The following SPTA1 variants were observed in gnomAD, a reference collection of about 807,000 sequenced individuals.
SPTA1 encodes spectrin alpha, erythrocytic 1.
Under a neutral mutation model 324.7 loss-of-function variants are expected in SPTA1, and 177 were observed. The ratio of observed to expected loss-of-function variants is 0.55; its 90% confidence interval spans 0.48 to 0.62. The LOEUF is 0.62. SPTA1 is among the 20% of genes least tolerant of loss of function. SPTA1 has a pLI of 0.00. For synonymous variants in SPTA1, 1,195 were observed against 1,041.3 expected (o/e 1.15, Z -2.84); for missense variants, 3,162 against 2,883.6 (o/e 1.10, Z -2.21).
Position 158,685,313 on chromosome 1 carries a change from G to A in SPTA1, c.59C>T (p.Thr20Ile). The A allele has an allele frequency of 6.2e-7, 1 of 1,613,706 alleles. No homozygotes were observed. The highest frequency in any genetic ancestry group is 1.1e-5 in the South Asian group (1 of 91,068). Residue 20 changes from threonine to isoleucine, a missense_variant, in exon 2 of 52, where the codon ACA becomes ATA. By Grantham distance (89) the Thr-to-Ile change is moderately conservative. Coordinates refer to ENST00000643759, the MANE Select transcript of SPTA1 (RefSeq NM_003126.4). ...VESSGPKVLE[T>I]AEEIQERRQE... is the part of the protein sequence containing the mutation. ...ACGCCTCTCCTGGATCTCTTCTGCT[G>A]TTTCCAAAACCTTTGGCCCACTGCT...
intron 47 of SPTA1, 144 bp downstream of exon 47, chr1:158,617,393 T>C: frequency 1.4e-6 from 1 of 707,484 alleles, no homozygotes; most frequent in Non-Finnish European, 2.6e-6. Flanking sequence ...CTGAGGTTTA[T>C]ATTCATGATG....
At chr1:158,623,404 T>G (rs1481621053) in intron 42 of SPTA1, among the ~76,000 whole-genome samples, 1 of 152,220 alleles carries the variant, frequency 6.6e-6, no homozygotes, top group Non-Finnish European at 1.5e-5. Flanking sequence ...ATGTTAGGTA[T>G]AAAATTAATT....
At chr1:158,646,564 T>C (rs1268441016) in intron 27 of SPTA1, among the ~76,000 whole-genome samples, 2 of 152,128 alleles carry the variant, frequency 1.3e-5, no homozygotes, top group Admixed American at 6.6e-5. Context: ...AAAAGTATCA[T>C]ATGGAGTAAA....
chr1:158,672,231 A>G (rs1255228818), intron 10 of SPTA1, 35 bp from the exon 11 acceptor site: 5 of 1,575,780 alleles, frequency 3.2e-6, no homozygotes, highest in Non-Finnish European at 4.3e-6. Context: ...TATGGAAGAT[A>G]ATTAATTTAT....
In SPTA1 at chr1:158,652,550, T is replaced by C. The variant is rs748421324; in HGVS notation, c.3292A>G (p.Ile1098Val). 8.1e-6 allele frequency: 13 copies of C among 1,614,064 alleles called. No individual in the cohort carries two copies. In the South Asian group the frequency reaches 1.4e-4, roughly 18 times the overall value. The change falls in exon 23 of 52, where the codon ATT (isoleucine) becomes GTT (valine). Residue 1098 changes from isoleucine (I) to valine (V), a missense_variant. Ile to Val is a conservative substitution (Grantham distance 29, BLOSUM62 3). Transcript: ENST00000643759. ...AYEAGDMLEW[I>V]QEKKAENTGV... ...GTGTTTTCTGCCTTTTTCTCTTGAA[T>C]CCATTCCAGCATGTCTCCTGCCTCA...
At chr1:158,650,100 C>T (rs1438217171) in intron 24 of SPTA1, among the ~76,000 whole-genome samples, 153 bp from the exon 25 acceptor site, 1 of 152,224 alleles carries the variant, frequency 6.6e-6, no homozygotes, top group Non-Finnish European at 1.5e-5. Flanking sequence ...ACAGCTTGAG[C>T]TTGGGCCTCA....
intron 39 of SPTA1, among the ~76,000 whole-genome samples, chr1:158,629,857 A>T (rs1477432037): frequency 6.6e-6 from 1 of 151,970 alleles, no homozygotes; most frequent in Non-Finnish European, 1.5e-5. Flanking sequence ...GTAAACAATA[A>T]ACTATCTGAA....
chr1:158,618,987 A>C (rs1414862983), intron 45 of SPTA1, among the ~76,000 whole-genome samples: 3 of 152,236 alleles, frequency 2.0e-5, no homozygotes, highest in Non-Finnish European at 4.4e-5. Context: ...AGTATCAAGG[A>C]GAGAATACAG....
At chr1:158,648,712 TG>T in intron 25 of SPTA1, 59 bp from the exon 26 acceptor site, 1 of 1,598,300 alleles carries the variant, frequency 6.3e-7, no homozygotes. Context: ...GGCAGGCTAG[TG>T]GGGGTCACAA....
rs1219830531 is a variant in SPTA1, at chr1:158,642,527, G to A, written c.4621C>T (p.His1541Tyr). ...ATNIQRKYLK[H>Y]QTFAHEVDGR... is the part of the protein sequence containing the mutation. ...TCGACTTCATGTGCAAAGGTCTGGT[G>A]TTTCAGGTATTTCCTCTGAAGGGAA... is the stretch of plus-strand genomic sequence containing the variant. Residue 1541 changes from histidine to tyrosine, a missense_variant, in exon 33 of 52, where the codon CAC becomes TAC. Transcript: ENST00000643759. 6.2e-7 allele frequency: 1 copy of A among 1,613,326 alleles called. No individual in the cohort carries two copies. Among genetic ancestry groups the A allele is most frequent in the Non-Finnish European group, 8.5e-7 (1 of 1,179,630 alleles).
chr1:158,629,738 T>G (rs1229166582), intron 39 of SPTA1, among the ~76,000 whole-genome samples: 1 of 151,926 alleles, frequency 6.6e-6, no homozygotes, highest in South Asian at 2.1e-4. Context: ...AGTGACATAA[T>G]CTTAAATACA....
At chr1:158,645,737 T>C (rs965751310) in intron 27 of SPTA1, 143 bp from the exon 28 acceptor site, 8 of 845,464 alleles carry the variant, frequency 9.5e-6, no homozygotes, top group Non-Finnish European at 1.4e-5. Flanking sequence ...AGATCTTACG[T>C]TTGCTGTTTT....
At chr1:158,634,244 G>C (rs945482853) in intron 39 of SPTA1, among the ~76,000 whole-genome samples, 2 of 152,110 alleles carry the variant, frequency 1.3e-5, no homozygotes, top group Non-Finnish European at 2.9e-5. Flanking sequence ...AATCTGCAAG[G>C]AATCTAACTT....
chr1:158,617,504 A>T (rs771417484), intron 47 of SPTA1, 33 bp downstream of exon 47: 16 of 1,590,704 alleles, frequency 1.0e-5, no homozygotes, highest in Non-Finnish European at 1.4e-5. Flanking sequence ...TAATTTTGGC[A>T]ATATCTTCAG....
Position 158,667,863 on chromosome 1 carries a change from T to C in SPTA1, c.2033A>G (p.Gln678Arg), listed in dbSNP as rs1299823775. The stretch of plus-strand genomic sequence containing the variant: ...CCAAAACCTCTGCTTTTTACCTTTC[T>C]GTTTTGTAGCCTCCAGCAACTCCTC... ...LWEELLEATKQKGTQLHEANQ... is the reference protein window; with the variant it reads ...LWEELLEATKRKGTQLHEANQ... Residue 678 changes from glutamine to arginine, a missense_variant, in exon 15 of 52, where the codon CAG (glutamine) becomes CGG (arginine). Gln to Arg is a conservative substitution (Grantham distance 43, BLOSUM62 1). Coordinates refer to ENST00000643759, the MANE Select transcript of SPTA1 (RefSeq NM_003126.4). 6.2e-7 allele frequency: 1 copy of C among 1,613,964 alleles called. No homozygotes were observed. Among genetic ancestry groups the C allele is most frequent in the East Asian group, 2.2e-5 (1 of 44,834 alleles).
chr1:158,636,997 T>C (rs1651134329), intron 36 of SPTA1, among the ~76,000 whole-genome samples: 1 of 152,212 alleles, frequency 6.6e-6, no homozygotes, highest in South Asian at 2.1e-4. Flanking sequence ...GTCACAACTG[T>C]AACAGCCTTT....
chr1:158,684,719 A>G (rs1293445473), intron 2 of SPTA1, among the ~76,000 whole-genome samples: 1 of 152,132 alleles, frequency 6.6e-6, no homozygotes, highest in Admixed American at 6.6e-5. Context: ...TACTTTTGGC[A>G]TTGATGAATG....
chr1:158,657,457 T>TA lies in SPTA1; in HGVS notation c.2805+19dup. The TA allele has an allele frequency of 6.3e-7, 1 of 1,597,790 alleles. No homozygotes were observed. The highest frequency in any genetic ancestry group is 8.5e-7 in the Non-Finnish European group (1 of 1,169,876). ...TGCGTTTGTTGAGGATTCACAATGTTAAACCCACCCCCACCTTACCCCAGC... is the reference window on the plus strand; with the variant it reads ...TGCGTTTGTTGAGGATTCACAATGTTAAAACCCACCCCCACCTTACCCCAGC... On this transcript the variant is annotated intron_variant, in intron 19 of 51. Transcript: ENST00000643759.
intron 8 of SPTA1, 60 bp from the exon 9 acceptor site, chr1:158,674,735 C>A: frequency 1.2e-6 from 2 of 1,605,016 alleles, no homozygotes; most frequent in Non-Finnish European, 8.5e-7. Flanking sequence ...GGACATTGAA[C>A]AAAGATTTAG....
Sources: gnomAD v4.1 joint callset for allele counts (sites outside exome capture counted in the v4.1 genomes callset) on GRCh38, gnomAD v4.1.1 for gene constraint, MANE v1.5 for transcripts, NCBI Gene and HGNC (gene_info 2026-07-23, HGNC 2026-07-21) for gene names.